The following MB21D2 variants were observed in gnomAD, a reference collection of about 807,000 sequenced individuals.
The protein encoded by MB21D2 is nucleotidyltransferase MB21D2.
MB21D2 carries 9 observed loss-of-function variants against 33.3 expected under a neutral mutation model. The observed-to-expected ratio is 0.27, with a 90% confidence interval of 0.16 to 0.47. The LOEUF (loss-of-function observed/expected upper bound fraction) is 0.47. Among genes scored for constraint, MB21D2 ranks in the 20% least tolerant of loss-of-function variants. The pLI is 0.99. For synonymous variants in MB21D2, 241 were observed against 236.3 expected (o/e 1.02, Z -0.18); for missense variants, 540 against 624.6 (o/e 0.86, Z 1.44).
chr3:192,892,224 G>A (rs1303651152), intron 1 of MB21D2, among the ~76,000 whole-genome samples: 1 of 152,132 alleles, frequency 6.6e-6, no homozygotes. Flanking sequence ...AGCTCCCAAC[G>A]TGCTTTCACA....
chr3:192,845,092 CAT>C (rs1712652107), intron 1 of MB21D2, among the ~76,000 whole-genome samples: 1 of 152,180 alleles, frequency 6.6e-6, no homozygotes, highest in South Asian at 2.1e-4. Context: ...GTAAAAGAAA[CAT>C]GTATTCATTG....
At chr3:192,844,025 C>T (rs984941851) in intron 1 of MB21D2, among the ~76,000 whole-genome samples, 7 of 152,164 alleles carry the variant, frequency 4.6e-5, no homozygotes, top group African/African-American at 1.4e-4. Flanking sequence ...CTTCATCTGC[C>T]GATTATGAAA....
At chr3:192,831,717 C>T (rs1712319366) in intron 1 of MB21D2, among the ~76,000 whole-genome samples, 1 of 151,942 alleles carries the variant, frequency 6.6e-6, no homozygotes, top group African/African-American at 2.4e-5. Context: ...TAGGGATGTA[C>T]AATTGTGAGA....
intron 1 of MB21D2, among the ~76,000 whole-genome samples, chr3:192,822,421 G>A (rs751978474): frequency 2.0e-5 from 3 of 152,090 alleles, no homozygotes; most frequent in African/African-American, 4.8e-5. Context: ...AATAGTATAG[G>A]AACTCACCAA....
chr3:192,913,991 A>T (rs1464152570), intron 1 of MB21D2, among the ~76,000 whole-genome samples: 1 of 152,260 alleles, frequency 6.6e-6, no homozygotes, highest in Non-Finnish European at 1.5e-5. Flanking sequence ...AGACTGTTCC[A>T]GAAATCTACT....
At position 192,857,374 on chromosome 3, in the gene MB21D2, C is replaced by T. The variant is rs148361924; in HGVS notation, c.212-57724G>A. Reference sequence around the variant, plus strand: ...CATGTGGAAGATGGGCTTTAAAGAACTGCAGTCGTGTCAAGGGAACATTCA... The same window carrying T: ...CATGTGGAAGATGGGCTTTAAAGAATTGCAGTCGTGTCAAGGGAACATTCA... On this transcript the variant is annotated intron_variant, in intron 1 of 1. Coordinates refer to ENST00000392452, the MANE Select transcript of MB21D2 (RefSeq NM_178496.4). Among the ~76,000 whole-genome samples the T allele has an allele frequency of 4.4e-3, 666 of 152,290 alleles. 6 individuals carry two copies. The highest frequency in any genetic ancestry group is 0.015 in the African/African-American group (628 of 41,566).
intron 1 of MB21D2, among the ~76,000 whole-genome samples, chr3:192,907,554 T>A (rs1714240005): frequency 6.6e-6 from 1 of 152,138 alleles, no homozygotes; most frequent in East Asian, 1.9e-4. Flanking sequence ...TACGAATCAG[T>A]CACATCACCT....
intron 1 of MB21D2, among the ~76,000 whole-genome samples, chr3:192,900,569 T>G (rs1449394560): frequency 6.6e-6 from 1 of 152,156 alleles, no homozygotes; most frequent in Non-Finnish European, 1.5e-5. Context: ...GCTTCTTTTT[T>G]TTTTCTTTGC....
intron 1 of MB21D2, among the ~76,000 whole-genome samples, chr3:192,879,404 C>G (rs1713511302): frequency 6.6e-6 from 1 of 152,232 alleles, no homozygotes; most frequent in South Asian, 2.1e-4. Flanking sequence ...CAATACTCCC[C>G]AGCATTAACC....
At chr3:192,861,623 A>G (rs1351850061) in intron 1 of MB21D2, among the ~76,000 whole-genome samples, 13 of 152,172 alleles carry the variant, frequency 8.5e-5, no homozygotes, top group Admixed American at 7.9e-4. Flanking sequence ...CCTGACCAAC[A>G]TGGAGAAACC....
chr3:192,883,584 G>A (rs922713371), intron 1 of MB21D2, among the ~76,000 whole-genome samples: 19 of 152,036 alleles, frequency 1.2e-4, no homozygotes, highest in Non-Finnish European at 1.5e-5. Flanking sequence ...TTATCTGAAA[G>A]AATGGGGAAA....
intron 1 of MB21D2, among the ~76,000 whole-genome samples, chr3:192,833,949 A>G (rs533557733): frequency 1.8e-4 from 28 of 152,226 alleles, no homozygotes; most frequent in Middle Eastern, 3.4e-3. Flanking sequence ...CATGACACTC[A>G]CAATATGGCA....
chr3:192,909,150 G>C (rs1049482704), intron 1 of MB21D2, among the ~76,000 whole-genome samples: 1 of 151,730 alleles, frequency 6.6e-6, no homozygotes, highest in Non-Finnish European at 1.5e-5. Flanking sequence ...CAGCTACTCG[G>C]GAGGCTGAGG....
Position 192,799,671 on chromosome 3 carries a change from A to C in MB21D2, c.212-21T>G. The C allele has an allele frequency of 6.2e-7, 1 of 1,602,852 alleles. No individual in the cohort carries two copies. The highest frequency in any genetic ancestry group is 8.5e-7 in the Non-Finnish European group (1 of 1,175,506). On this transcript the variant is annotated intron_variant, in intron 1 of 1. Transcript: ENST00000392452. The surrounding 1 kb of genome is among the most constrained non-coding windows in gnomAD (Gnocchi z 4.1). ...CATTCCTGGAAATAAAGAAGAAAAAAACAACACTATTACAGGAAACACAGA... is the reference window on the plus strand; with the variant it reads ...CATTCCTGGAAATAAAGAAGAAAAACACAACACTATTACAGGAAACACAGA...
chr3:192,831,135 C>A (rs879310385), intron 1 of MB21D2, among the ~76,000 whole-genome samples: 4 of 152,308 alleles, frequency 2.6e-5, no homozygotes, highest in African/African-American at 9.6e-5. Flanking sequence ...ACACTGCAAC[C>A]TTTTCTTGCC....
chr3:192,906,667 T>C (rs73888008), intron 1 of MB21D2, among the ~76,000 whole-genome samples: 5,290 of 152,296 alleles, frequency 0.035, 304 homozygotes, highest in African/African-American at 0.12. Context: ...TCTTGTTCTT[T>C]TAGAGCACAC....
chr3:192,849,368 C>T (rs934774889), intron 1 of MB21D2, among the ~76,000 whole-genome samples: 10 of 149,302 alleles, frequency 6.7e-5, no homozygotes, highest in Non-Finnish European at 7.4e-5. Context: ...CCCAGGCTGG[C>T]GTGCAGTGGC....
At chr3:192,820,572 C>T (rs961946357) in intron 1 of MB21D2, among the ~76,000 whole-genome samples, 4 of 152,220 alleles carry the variant, frequency 2.6e-5, no homozygotes, top group Admixed American at 6.5e-5. Flanking sequence ...TATAGACAGA[C>T]GAGGAATGAC....
rs370679341 is a variant in MB21D2, at chr3:192,809,298, A to G, written c.212-9648T>C. Among the ~76,000 whole-genome samples, 42 of 152,220 alleles carry G rather than the reference A, an allele frequency of 2.8e-4. No individual in the cohort carries two copies. The East Asian group carries it at 7.7e-3, about 28-fold the overall frequency. The stretch of plus-strand genomic sequence containing the variant: ...TTTAGTAGAGATGGGGTTTCACCGT[A>G]TTGGCCAGGATGGTCTGGATCTTTT... On this transcript the variant is annotated intron_variant, in intron 1 of 1. Transcript: ENST00000392452.
Sources: gnomAD v4.1 joint callset for allele counts (sites outside exome capture counted in the v4.1 genomes callset) on GRCh38, gnomAD v4.1.1 for gene constraint, Gnocchi (gnomAD v3.1) non-coding constraint, MANE v1.5 for transcripts, NCBI Gene and HGNC (gene_info 2026-07-23, HGNC 2026-07-21) for gene names.